Variants in FASN observed in about 807,000 individuals in gnomAD.
The protein encoded by FASN is 3-hydroxyacyl-[acyl-carrier-protein] dehydratase.
FASN carries 50 observed loss-of-function variants against 250.0 expected under a neutral mutation model. The observed-to-expected ratio is 0.20, with a 90% CI of 0.16 to 0.25. The LOEUF is 0.25. Ranked by LOEUF, FASN falls within the 10% of genes least tolerant of loss-of-function variation. FASN has a pLI of 1.00. For missense variants in FASN, 3,031 were observed against 3,498.5 expected (o/e 0.87, Z 3.37); for synonymous variants, 1,909 against 1,584.0 (o/e 1.21, Z -4.87).
chr17:82,085,737 C>T lies in FASN; in HGVS notation c.3867G>A (p.Gln1289=). The change falls in exon 23 of 43, where the codon CAG becomes CAA. Residue 1289 remains glutamine, a synonymous_variant. Transcript: ENST00000306749. ...CCCACTGGCCCTGGGCAACGTCGTG[C>T]TGCTGCAGCTCGGCCTGGGCAGCCT... is the stretch of plus-strand genomic sequence containing the variant. The part of the protein sequence containing the change: ...ALEAAQAELQ[Q]HDVAQGQWDP... 6.4e-7 allele frequency: 1 copy of T among 1,565,166 alleles called. No individual in the cohort carries two copies. The highest frequency in any genetic ancestry group is 8.7e-7 in the Non-Finnish European group (1 of 1,155,678).
chr17:82,085,874 G>A lies in FASN; in HGVS notation c.3733-3C>T, dbSNP rs373720813. ...AGGTGACCGTGGCCAGCCAGCACCT[G>A]TAGGGGGTGAATTCTGGAATCAGCC... On this transcript the variant is annotated splice_region_variant and splice_polypyrimidine_tract_variant and intron_variant, in intron 22 of 42. Transcript: ENST00000306749. 40 of 1,531,352 alleles carry A rather than the reference G, an allele frequency of 2.6e-5. No individual in the cohort carries two copies. The highest frequency in any genetic ancestry group is 7.2e-5 in the South Asian group (6 of 82,972). 94.9% of individuals were successfully genotyped at this position (1,531,352 alleles called of 1,614,324 possible). A position where few individuals can be genotyped will look rare whatever the true frequency, so the allele number is the denominator to read the frequency against.
chr17:82,092,626 G>A (rs2034230892), intron 7 of FASN, 37 bp from the exon 8 acceptor site: 1 of 1,557,162 alleles, frequency 6.4e-7, no homozygotes, highest in Non-Finnish European at 8.7e-7. Flanking sequence ...CTCTGGCCAG[G>A]TCACCTCTCC....
rs2034140090 is a variant in FASN, at chr17:82,088,221, T to C, written c.2680A>G (p.Ile894Val). 1 of 1,611,390 alleles carries C rather than the reference T, an allele frequency of 6.2e-7. No individual in the cohort carries two copies. Among genetic ancestry groups the C allele is most frequent in the South Asian group, 1.1e-5 (1 of 91,086 alleles). ...VLFPATGYLS[I>V]VWKTLARALG... is the part of the protein sequence containing the mutation. ...GCGCGGGCCAGCGTCTTCCACACTA[T>C]GCTCAGGTAGCCAGTGGCGGGGAAG... Residue 894 changes from isoleucine (I) to valine (V), a missense_variant, in exon 17 of 43, where the codon ATA (isoleucine) becomes GTA (valine). Coordinates refer to ENST00000306749, the MANE Select transcript of FASN (RefSeq NM_004104.5).
chr17:82,086,735 CTG>C (rs1244012704), intron 21 of FASN, among the ~76,000 whole-genome samples, 177 bp from the exon 22 acceptor site: 11 of 152,222 alleles, frequency 7.2e-5, no homozygotes, highest in Non-Finnish European at 1.6e-4. Context: ...CTCCTGCCCA[CTG>C]TGGACGCAGT....
chr17:82,079,143 C>T lies in FASN; in HGVS notation c.7536G>A (p.Ter2512=), dbSNP rs747201373. 1.2e-6 allele frequency: 2 copies of T among 1,611,024 alleles called. No homozygotes were observed. The highest frequency in any genetic ancestry group is 1.7e-6 in the Non-Finnish European group (2 of 1,179,882). ...TCCGGTGGCAGGCGGGGGCACGGGC[C>T]TAGCCCTCCCGCACGCTCACGCGTG... The part of the protein sequence containing the change: ...AEPRVSVREG[*] Residue 2512 remains the stop codon, a stop_retained_variant, in exon 43 of 43, where the codon TAG becomes TAA. Coordinates refer to ENST00000306749, the MANE Select transcript of FASN (RefSeq NM_004104.5).
chr17:82,088,219 T>C lies in FASN; in HGVS notation c.2682A>G (p.Ile894Met), dbSNP rs1447234704. 2 of 1,611,370 alleles carry C rather than the reference T, an allele frequency of 1.2e-6. No homozygotes were observed. The highest frequency in any genetic ancestry group is 2.2e-5 in the South Asian group (2 of 91,090). The change falls in exon 17 of 43, where the codon ATA becomes ATG. Residue 894 changes from isoleucine to methionine, a missense_variant. Coordinates refer to ENST00000306749, the MANE Select transcript of FASN (RefSeq NM_004104.5). Reference protein sequence around the residue: ...VLFPATGYLSIVWKTLARALG... With the variant: ...VLFPATGYLSMVWKTLARALG... ...GGGCGCGGGCCAGCGTCTTCCACAC[T>C]ATGCTCAGGTAGCCAGTGGCGGGGA... is the stretch of plus-strand genomic sequence containing the variant.
intron 1 of FASN, among the ~76,000 whole-genome samples, chr17:82,097,858 C>T (rs1307725499): frequency 6.6e-6 from 1 of 152,098 alleles, no homozygotes; most frequent in African/African-American, 2.4e-5. Context: ...CCGCGGCCTC[C>T]CCCACGGGAA....
Position 82,080,765 on chromosome 17 carries a change from C to A in FASN, c.6753G>T (p.Glu2251Asp). ...GGCTGTGGAACACGGTGGTGGAGCCCTCGATTGGGTGCACCAGGAACAGGG... is the reference window on the plus strand; with the variant it reads ...GGCTGTGGAACACGGTGGTGGAGCCATCGATTGGGTGCACCAGGAACAGGG... Reference protein sequence around the residue: ...ERPLFLVHPIEGSTTVFHSLA... With the variant: ...ERPLFLVHPIDGSTTVFHSLA... The change falls in exon 39 of 43, where the codon GAG (glutamate) becomes GAT (aspartate). Residue 2251 changes from glutamate to aspartate, a missense_variant. Glu to Asp is a conservative substitution (Grantham distance 45). Coordinates refer to ENST00000306749, the MANE Select transcript of FASN (RefSeq NM_004104.5). The A allele has an allele frequency of 6.2e-7, 1 of 1,603,940 alleles. No individual in the cohort carries two copies. The highest frequency in any genetic ancestry group is 2.2e-5 in the East Asian group (1 of 44,482).
chr17:82,088,143 G>A lies in FASN; in HGVS notation c.2758C>T (p.His920Tyr). The change falls in exon 17 of 43, where the codon CAC (histidine) becomes TAC (tyrosine). Residue 920 changes from histidine to tyrosine, a missense_variant. His to Tyr is a moderately conservative substitution (Grantham distance 83). Transcript: ENST00000306749. The stretch of plus-strand genomic sequence containing the variant: ...GTCTTGGGCAGGATGGTGGCCTGGT[G>A]CAGCACCACATCCTCAAACACCACA... ...LPVVFEDVVL[H>Y]QATILPKTGT... 1.2e-6 allele frequency: 2 copies of A among 1,612,792 alleles called. No homozygotes were observed. The highest frequency in any genetic ancestry group is 1.7e-6 in the Non-Finnish European group (2 of 1,179,978).
At chr17:82,085,189 C>G in intron 24 of FASN, 33 bp from the exon 25 acceptor site, 1 of 1,611,682 alleles carries the variant, frequency 6.2e-7, no homozygotes, top group Non-Finnish European at 8.5e-7. Context: ...AGGCCACACT[C>G]GGCAAGTTGG....
chr17:82,085,991 G>A (rs1195081689), intron 22 of FASN, 120 bp from the exon 23 acceptor site: 39 of 1,318,802 alleles, frequency 3.0e-5, no homozygotes, highest in East Asian at 1.8e-4. Context: ...ACCTGATGAC[G>A]GTGCCAGCCA....
chr17:82,081,839 C>T lies in FASN; in HGVS notation c.6168G>A (p.Leu2056=). 1 of 1,605,078 alleles carries T rather than the reference C, an allele frequency of 6.2e-7. No individual in the cohort carries two copies. Among genetic ancestry groups the T allele is most frequent in the Non-Finnish European group, 8.5e-7 (1 of 1,178,066 alleles). Residue 2056 remains leucine (L), a synonymous_variant, in exon 37 of 43, where the codon CTG becomes CTA. Transcript: ENST00000306749. ...CGCCGATGGCGCCCCACTGCACGGC[C>T]AGGCCTGTGGGGGAGGGGGCAGGTG... ...EKRRHEGLPG[L]AVQWGAIGDV...
chr17:82,089,079 C>T lies in FASN; in HGVS notation c.2194G>A (p.Ala732Thr), dbSNP rs748713446. The change falls in exon 14 of 43, where the codon GCC becomes ACC. Residue 732 changes from alanine (A) to threonine (T), a missense_variant. Transcript: ENST00000306749. ...ACCAGGTTGTTGACATTGTACTCGG[C>T]GGAGGACGTGCGTGCCAGGCTGCTG... The part of the protein sequence containing the change: ...WHSSLARTSS[A>T]EYNVNNLVSP... The T allele has an allele frequency of 1.3e-6, 2 of 1,583,268 alleles. No individual in the cohort carries two copies. Among genetic ancestry groups the T allele is most frequent in the Non-Finnish European group, 1.7e-6 (2 of 1,165,894 alleles).
chr17:82,092,392 C>T, intron 8 of FASN, 63 bp downstream of exon 8: 1 of 1,519,694 alleles, frequency 6.6e-7, no homozygotes, highest in Non-Finnish European at 8.9e-7. Flanking sequence ...AGTGCCCAGC[C>T]ATGGCGCAAC....
intron 3 of FASN, 113 bp from the exon 4 acceptor site, chr17:82,093,884 AG>A (rs34334536): frequency 4.7e-5 from 52 of 1,105,500 alleles, no homozygotes; most frequent in African/African-American, 6.4e-5. Flanking sequence ...GCTTGGGGTG[AG>A]GGGGGGTCCA....
intron 27 of FASN, 39 bp from the exon 28 acceptor site, chr17:82,084,423 T>G (rs375432808): frequency 6.7e-5 from 107 of 1,590,032 alleles, no homozygotes; most frequent in Non-Finnish European, 9.1e-5. Flanking sequence ...CGCCTGCCCT[T>G]CCCTCCCGAG....
chr17:82,088,098 T>C lies in FASN; in HGVS notation c.2785+18A>G, dbSNP rs769830176. On this transcript the variant is annotated intron_variant, in intron 17 of 42. Coordinates refer to ENST00000306749, the MANE Select transcript of FASN (RefSeq NM_004104.5). Reference sequence around the variant, plus strand: ...CGCCCCCCAGCTACCCCCGCCTTGGTCCTGGGGTACCCCTCACCAGTCTTG... The same window carrying C: ...CGCCCCCCAGCTACCCCCGCCTTGGCCCTGGGGTACCCCTCACCAGTCTTG... The C allele has an allele frequency of 3.1e-6, 5 of 1,612,684 alleles. No individual in the cohort carries two copies. The highest frequency in any genetic ancestry group is 3.3e-4 in the Middle Eastern group (2 of 6,062).
chr17:82,081,988 AG>A lies in FASN; in HGVS notation c.6163+20del, dbSNP rs778771126. ...GGAGAGGGCAGGGTGGGCAGGGTCGAGGGGAGAGGGTGGGGCCCACCTGGGA... is the reference window on the plus strand; with the variant it reads ...GGAGAGGGCAGGGTGGGCAGGGTCGAGGGAGAGGGTGGGGCCCACCTGGGA... On this transcript the variant is annotated intron_variant, in intron 36 of 42. Coordinates refer to ENST00000306749, the MANE Select transcript of FASN (RefSeq NM_004104.5). The A allele has an allele frequency of 1.4e-6, 2 of 1,409,824 alleles. No individual in the cohort carries two copies. The highest frequency in any genetic ancestry group is 6.1e-5 in the East Asian group (2 of 32,556). The allele number at this position is 1,409,824 out of a possible 1,614,324, so 87.3% of individuals were successfully genotyped here. A position where few individuals can be genotyped will look rare whatever the true frequency, so the allele number is the denominator to read the frequency against.
rs545732973 is a variant in FASN at position 82,082,585 on chromosome 17, C to T, written c.5861G>A (p.Gly1954Asp). The T allele has an allele frequency of 4.3e-6, 7 of 1,609,870 alleles. No individual in the cohort carries two copies. The African/African-American group carries it at 5.3e-5, about 12-fold the overall frequency. ...AAGCTGCGCCGCCTCGGCAATGAGG[C>T]CCCGGGCCCCCTCCAGTGAGCTGAT... ...SNISSLEGAR[G>D]LIAEAAQLGP... is the part of the protein sequence containing the mutation. The change falls in exon 34 of 43, where the codon GGC becomes GAC. Residue 1954 changes from glycine to aspartate, a missense_variant. Physicochemically the swap from Gly to Asp is moderately conservative, Grantham distance 94. Coordinates refer to ENST00000306749, the MANE Select transcript of FASN (RefSeq NM_004104.5).
Sources: allele counts gnomAD v4.1 joint callset (sites outside exome capture counted in the v4.1 genomes callset), GRCh38; gene constraint gnomAD v4.1.1; transcripts MANE v1.5; gene names NCBI Gene and HGNC (gene_info 2026-07-23, HGNC 2026-07-21).